Variants in MYLK4 observed in about 807,000 individuals in gnomAD.
The protein encoded by MYLK4 is caMLCK like.
Under a neutral mutation model 48.1 loss-of-function variants are expected in MYLK4, and 46 were observed. The ratio of observed to expected loss-of-function variants is 0.96; its 90% CI spans 0.75 to 1.22. MYLK4 has a LOEUF of 1.22. MYLK4 is among the 50% of genes most tolerant of loss of function. The probability of loss-of-function intolerance (pLI) is 0.00; values close to 1 mark genes in which losing one functional copy is unlikely to be tolerated. For missense variants in MYLK4, 451 were observed against 486.1 expected (o/e 0.93, Z 0.68); for synonymous variants, 170 against 180.8 (o/e 0.94, Z 0.48).
chr6:2,760,950 T>C, the MYLK4 span, among the ~76,000 whole-genome samples: 7 of 152,156 alleles, frequency 4.6e-5, no homozygotes, highest in Admixed American at 3.9e-4. Context: ...TAGATAACCA[T>C]ACGACTAACT....
At chr6:2,765,624 T>C in the MYLK4 span, 1 of 1,527,742 alleles carries the variant, frequency 6.5e-7, no homozygotes, top group Admixed American at 1.9e-5. Context: ...GCGGCCGCCA[T>C]GGAGGTGAGC....
At chr6:2,724,524 A>G (rs1015075079) in intron 2 of MYLK4, among the ~76,000 whole-genome samples, 2 of 152,190 alleles carry the variant, frequency 1.3e-5, no homozygotes, top group Non-Finnish European at 2.9e-5. Flanking sequence ...GCCAAAAGGG[A>G]AATCATGAAG....
chr6:2,716,382 C>T (rs1026077943), intron 2 of MYLK4, among the ~76,000 whole-genome samples: 5 of 152,156 alleles, frequency 3.3e-5, no homozygotes, highest in Non-Finnish European at 7.3e-5. Flanking sequence ...TTGGGTAAAT[C>T]CTTTAAGGAA....
chr6:2,680,072 T>C, intron 8 of MYLK4, 149 bp downstream of exon 8: 1 of 890,074 alleles, frequency 1.1e-6, no homozygotes. Context: ...GTCTCAAATT[T>C]AGCAAGTTAA....
At chr6:2,684,268 G>T (rs960677908) in intron 6 of MYLK4, among the ~76,000 whole-genome samples, 5 of 152,118 alleles carry the variant, frequency 3.3e-5, no homozygotes, top group Non-Finnish European at 7.4e-5. Flanking sequence ...CTGGACAAAG[G>T]GATGATTCAC....
Position 2,749,413 on chromosome 6 carries a change from AGAAAG to A in MYLK4, c.-112-12_-112-8del. On this transcript the variant is annotated splice_region_variant and splice_polypyrimidine_tract_variant and intron_variant, in intron 1 of 12. Transcript: ENST00000274643. ...CAGTGCTTCTTTCTCTTGACTGCAAAGAAAGGAAACACAAAAAGTTCTCATCACGT... is the reference window on the plus strand; with the variant it reads ...CAGTGCTTCTTTCTCTTGACTGCAAAGAAACACAAAAAGTTCTCATCACGT... 2 of 761,162 alleles carry A rather than the reference AGAAAG, an allele frequency of 2.6e-6. No individual in the cohort carries two copies. The highest frequency in any genetic ancestry group is 4.1e-6 in the Non-Finnish European group (2 of 483,850). The allele number at this position is 761,162 out of a possible 1,614,324, so 47.2% of individuals were successfully genotyped here. A position where few individuals can be genotyped will look rare whatever the true frequency, so the allele number is the denominator to read the frequency against.
Position 2,692,787 on chromosome 6 carries a change from C to A in MYLK4, c.232G>T (p.Ala78Ser), listed in dbSNP as rs762093504. The change falls in exon 3 of 13, where the codon GCA (alanine) becomes TCA (serine). Residue 78 changes from alanine to serine, a missense_variant. Ala to Ser is a moderately conservative substitution (Grantham distance 99). Coordinates refer to ENST00000274643, the MANE Select transcript of MYLK4 (RefSeq NM_001012418.5). Reference sequence around the variant, plus strand: ...TCTACTTTTCTAAAGATGTTACCTGCGAGGGCTGATGTCCTTTTGCTTTTG... The same window carrying A: ...TCTACTTTTCTAAAGATGTTACCTGAGAGGGCTGATGTCCTTTTGCTTTTG... ...PVKSKRTSAL[A>S]VDIPAPPAPF... 2.5e-6 allele frequency: 4 copies of A among 1,613,424 alleles called. No individual in the cohort carries two copies. Among genetic ancestry groups the A allele is most frequent in the Non-Finnish European group, 3.4e-6 (4 of 1,179,776 alleles).
intron 2 of MYLK4, among the ~76,000 whole-genome samples, chr6:2,708,527 T>C (rs1201880279): frequency 6.6e-6 from 1 of 152,230 alleles, no homozygotes. Flanking sequence ...AAAAACTATA[T>C]TTACTTTGAC....
intron 2 of MYLK4, among the ~76,000 whole-genome samples, chr6:2,722,772 G>C (rs986661134): frequency 3.9e-5 from 6 of 152,128 alleles, no homozygotes; most frequent in East Asian, 3.9e-4. Context: ...CTTAGCAAAG[G>C]CTTTGTAAAA....
chr6:2,692,294 T>C, intron 3 of MYLK4, among the ~76,000 whole-genome samples: 1 of 152,210 alleles, frequency 6.6e-6, no homozygotes, highest in East Asian at 1.9e-4. Flanking sequence ...TCTTCTACTT[T>C]GTCTTGTCTT....
chr6:2,689,319 C>A (rs34400476), intron 3 of MYLK4, among the ~76,000 whole-genome samples: 8,471 of 152,298 alleles, frequency 0.056, 277 homozygotes, highest in Middle Eastern at 0.1. Context: ...TTGTTTGATT[C>A]ATTTTTAAAA....
intron 2 of MYLK4, among the ~76,000 whole-genome samples, chr6:2,733,484 A>G (rs1257682175): frequency 6.6e-6 from 1 of 152,204 alleles, no homozygotes; most frequent in Non-Finnish European, 1.5e-5. Flanking sequence ...GTGTTCACTC[A>G]GAATGAGGAA....
At chr6:2,767,181 A>G in the MYLK4 span, among the ~76,000 whole-genome samples, 1 of 152,222 alleles carries the variant, frequency 6.6e-6, no homozygotes, top group African/African-American at 2.4e-5. Flanking sequence ...GAGGGCAGTT[A>G]GGATATTGTG....
chr6:2,684,418 A>G, intron 6 of MYLK4, among the ~76,000 whole-genome samples: 1 of 152,202 alleles, frequency 6.6e-6, no homozygotes, highest in African/African-American at 2.4e-5. Flanking sequence ...AGACCATGGA[A>G]AGTGAAAGTG....
intron 2 of MYLK4, among the ~76,000 whole-genome samples, chr6:2,731,187 A>T (rs186537407): frequency 2.9e-3 from 449 of 152,326 alleles, no homozygotes; most frequent in African/African-American, 0.01. Flanking sequence ...AATGGTACCA[A>T]GCATAATTTC....
chr6:2,737,167 G>A (rs1763709253), intron 2 of MYLK4, among the ~76,000 whole-genome samples: 1 of 152,178 alleles, frequency 6.6e-6, no homozygotes. Flanking sequence ...ACAAAAACTA[G>A]CTGCGCGTGG....
At chr6:2,682,962 G>A (rs1039155561) in intron 7 of MYLK4, 59 bp downstream of exon 7, 2 of 1,597,088 alleles carry the variant, frequency 1.3e-6, no homozygotes, top group Non-Finnish European at 1.7e-6. Flanking sequence ...TAGCAGACAG[G>A]GCCCACTGTG....
At chr6:2,756,493 C>T in the MYLK4 span, among the ~76,000 whole-genome samples, 18 of 152,274 alleles carry the variant, frequency 1.2e-4, no homozygotes, top group East Asian at 3.3e-3. Context: ...AGAAATCAAG[C>T]CCTGGGCACC....
chr6:2,676,853 T>A (rs1456394708), intron 10 of MYLK4, among the ~76,000 whole-genome samples: 1 of 152,164 alleles, frequency 6.6e-6, no homozygotes. Flanking sequence ...AGAAGCCAAA[T>A]AAGATAACAC....
Sources: allele counts gnomAD v4.1 joint callset (sites outside exome capture counted in the v4.1 genomes callset), GRCh38; gene constraint gnomAD v4.1.1; transcripts MANE v1.5; gene names NCBI Gene and HGNC (gene_info 2026-07-23, HGNC 2026-07-21).